The following PEAR1 variants were observed in gnomAD, a reference collection of about 807,000 sequenced individuals.
PEAR1 encodes the protein multiple EGF-like domains protein 12.
PEAR1 carries 113 observed loss-of-function variants against 131.2 expected under a neutral mutation model. The ratio of observed to expected loss-of-function variants is 0.86; its 90% CI spans 0.74 to 1.01. The LOEUF (loss-of-function observed/expected upper bound fraction) is 1.01. Ranked by LOEUF, PEAR1 falls within the 50% of genes least tolerant of loss-of-function variation. The probability of loss-of-function intolerance (pLI) is 0.00; values close to 1 mark genes in which losing one functional copy is unlikely to be tolerated. For missense variants in PEAR1, 1,408 were observed against 1,391.1 expected (o/e 1.01, Z -0.19); for synonymous variants, 565 against 523.3 (o/e 1.08, Z -1.09).
Position 156,910,199 on chromosome 1 carries a change from C to T in PEAR1, c.1679-35C>T, listed in dbSNP as rs368018881. The T allele has an allele frequency of 9.3e-6, 15 of 1,610,694 alleles. No homozygotes were observed. The South Asian group carries it at 1.5e-4, about 17-fold the overall frequency. ...AAGAGCCCCCTGGAACTGAAGGGGG[C>T]CCAGCCAGGCACACCCGACTGCTGT... On this transcript the variant is annotated intron_variant, in intron 13 of 22. Coordinates refer to ENST00000292357, the MANE Select transcript of PEAR1 (RefSeq NM_001080471.3).
chr1:156,913,687 C>A lies in PEAR1; in HGVS notation c.2645-5C>A. ...GCTGATTACCAGTTGCCTCCTCCTC[C>A]TCAGGGAGCAGCCGCCTGGACCGAA... is the stretch of plus-strand genomic sequence containing the variant. On this transcript the variant is annotated splice_polypyrimidine_tract_variant and splice_region_variant and intron_variant, in intron 20 of 22. Coordinates refer to ENST00000292357, the MANE Select transcript of PEAR1 (RefSeq NM_001080471.3). The A allele has an allele frequency of 1.2e-6, 2 of 1,613,524 alleles. No homozygotes were observed. The highest frequency in any genetic ancestry group is 1.7e-6 in the Non-Finnish European group (2 of 1,179,810).
At chr1:156,911,786 C>T (rs929654061) in intron 15 of PEAR1, among the ~76,000 whole-genome samples, 1 of 152,094 alleles carries the variant, frequency 6.6e-6, no homozygotes, top group African/African-American at 2.4e-5. Context: ...TTCAGCTTAC[C>T]AGCAGGCGGG....
Position 156,907,957 on chromosome 1 carries a change from C to T in PEAR1, c.808C>T (p.Pro270Ser), listed in dbSNP as rs979252685. 1.3e-6 allele frequency: 2 copies of T among 1,583,662 alleles called. No individual in the cohort carries two copies. Among genetic ancestry groups the T allele is most frequent in the African/African-American group, 2.7e-5 (2 of 74,200 alleles). Residue 270 changes from proline to serine, a missense_variant, in exon 8 of 23, where the codon CCC becomes TCC. By Grantham distance (74) the Pro-to-Ser change is moderately conservative (BLOSUM62 -1). Coordinates refer to ENST00000292357, the MANE Select transcript of PEAR1 (RefSeq NM_001080471.3). ...GCCCTGCCCAGAGGGCTTTCACGGA[C>T]CCAACTGCTCCCAGGAATGTCGCTG... Reference protein sequence around the residue: ...SLPCPEGFHGPNCSQECRCHN... With the variant: ...SLPCPEGFHGSNCSQECRCHN...
In PEAR1 at chr1:156,902,928, C is replaced by T. The variant is rs915292540; in HGVS notation, c.-9-990C>T. ...GGCTGACAGGGCAGTCTGAGGGAGGCGGGAGCTTTTCCTTAAATGCAAGGC... is the reference window on the plus strand; with the variant it reads ...GGCTGACAGGGCAGTCTGAGGGAGGTGGGAGCTTTTCCTTAAATGCAAGGC... On this transcript the variant is annotated intron_variant, in intron 1 of 22. Transcript: ENST00000292357. This position sits in a 1 kb window ranked among gnomAD's most constrained non-coding sequence, Gnocchi z 4.3. Among the ~76,000 whole-genome samples, 9 of 151,960 alleles carry T rather than the reference C, an allele frequency of 5.9e-5. No individual in the cohort carries two copies. Among genetic ancestry groups the T allele is most frequent in the African/African-American group, 1.7e-4 (7 of 41,356 alleles).
chr1:156,903,972 C>T lies in PEAR1; in HGVS notation c.46C>T (p.Arg16Trp), dbSNP rs141257783. The change falls in exon 2 of 23, where the codon CGG becomes TGG. Residue 16 changes from arginine (R) to tryptophan (W), a missense_variant. By Grantham distance (101) the Arg-to-Trp change is moderately radical (BLOSUM62 -3). Coordinates refer to ENST00000292357, the MANE Select transcript of PEAR1 (RefSeq NM_001080471.3). ...CPLLLLAVGLRLAGTLNPSDP... is the reference protein window; with the variant it reads ...CPLLLLAVGLWLAGTLNPSDP... ...CCTCCTTCTCCTGGCTGTGGGCCTG[C>T]GGCTGGCTGGAACTCTCAACCCCAG... is the stretch of plus-strand genomic sequence containing the variant. 5.7e-5 allele frequency: 92 copies of T among 1,613,910 alleles called. No homozygotes were observed. Among genetic ancestry groups the T allele is most frequent in the Non-Finnish European group, 7.3e-5 (86 of 1,179,984 alleles).
chr1:156,896,049 T>C (rs568121718), intron 1 of PEAR1, among the ~76,000 whole-genome samples: 1 of 152,232 alleles, frequency 6.6e-6, no homozygotes, highest in South Asian at 2.1e-4. Context: ...GCCACTGCAT[T>C]CCAGCCTGGG....
In PEAR1 at chr1:156,912,812, C is replaced by G; in HGVS notation, c.2252C>G (p.Ala751Gly). Residue 751 changes from alanine (A) to glycine (G), a missense_variant, in exon 18 of 23, where the codon GCG (alanine) becomes GGG (glycine). Transcript: ENST00000292357. ...PFTVMPTTPV[A>G]YNSLGAVIGI... ...ACTGTGATGCCGACCACTCCAGTAG[C>G]GTATAACTCGCTGGGTGCAGTGATT... 1.2e-6 allele frequency: 2 copies of G among 1,614,214 alleles called. No individual in the cohort carries two copies. The highest frequency in any genetic ancestry group is 1.1e-5 in the South Asian group (1 of 91,086).
At chr1:156,910,814 T>C in intron 15 of PEAR1, 71 bp downstream of exon 15, 13 of 1,585,456 alleles carry the variant, frequency 8.2e-6, no homozygotes, top group Non-Finnish European at 1.1e-5. Flanking sequence ...GAGGTCTCTG[T>C]CCCCCAGCTC....
chr1:156,908,194 G>GGACGCCCGTTGCTT lies in PEAR1; in HGVS notation c.970_983dup (p.Phe328LeufsTer54). The GGACGCCCGTTGCTT allele has an allele frequency of 6.2e-7, 1 of 1,603,074 alleles. No individual in the cohort carries two copies. Among genetic ancestry groups the GGACGCCCGTTGCTT allele is most frequent in the Non-Finnish European group, 8.5e-7 (1 of 1,178,930 alleles). On this transcript the variant is annotated frameshift_variant, in exon 9 of 23. Coordinates refer to ENST00000292357, the MANE Select transcript of PEAR1 (RefSeq NM_001080471.3). LOFTEE classifies it high-confidence loss of function. The surrounding 1 kb of genome is among the most constrained non-coding windows in gnomAD (Gnocchi z 4.2). ...GTGCTGAGACGTGCGACTGCGCCCC[G>GGACGCCCGTTGCTT]GACGCCCGTTGCTTCCCGGCCAACG...
chr1:156,895,500 A>C (rs1011940154), intron 1 of PEAR1, among the ~76,000 whole-genome samples: 1 of 152,318 alleles, frequency 6.6e-6, no homozygotes, highest in Non-Finnish European at 1.5e-5. Context: ...GGCTTCTGTC[A>C]TCTAACCTAC....
At chr1:156,895,649 A>G (rs1192390504) in intron 1 of PEAR1, among the ~76,000 whole-genome samples, 1 of 152,244 alleles carries the variant, frequency 6.6e-6, no homozygotes, top group African/African-American at 2.4e-5. Flanking sequence ...GACTCATTAC[A>G]ACAAAATGCC....
Position 156,911,037 on chromosome 1 carries a change from TTTTCTTTCTTTCTTTC to T in PEAR1, c.1951+335_1951+350del, listed in dbSNP as rs71681254. 1.4e-3 allele frequency among the ~76,000 whole-genome samples: 154 copies of T among 113,322 alleles called. 3 individuals are homozygous for T. The Middle Eastern group carries it at 0.02, about 14-fold the overall frequency. The allele number at this position is 113,322 out of a possible 152,430, so 74.3% of individuals were successfully genotyped here. A position where few individuals can be genotyped will look rare whatever the true frequency, so the allele number is the denominator to read the frequency against. ...CTTGGGACATTTTCTCTTGATTTCT[TTTTCTTTCTTTCTTTC>T]TTTCTTTCTTTCTTTCTTTCTTTCT... On this transcript the variant is annotated intron_variant, in intron 15 of 22. Transcript: ENST00000292357.
At position 156,902,223 on chromosome 1, in the gene PEAR1, T is replaced by G. The variant is rs1206439366; in HGVS notation, c.-9-1695T>G. 2 of 152,506 alleles carry G rather than the reference T, an allele frequency of 1.3e-5. No homozygotes were observed. Among genetic ancestry groups the G allele is most frequent in the Non-Finnish European group, 2.9e-5 (2 of 68,166 alleles). The allele number at this position is 152,506 out of a possible 1,614,324, so 9.4% of individuals were successfully genotyped here. ...CTGAACGCTGGGATCCCCCAGGACA[T>G]TCCCTGGCCCCCAGGCCCCAGGTCC... On this transcript the variant is annotated intron_variant, in intron 1 of 22. Transcript: ENST00000292357. This position sits in a 1 kb window ranked among gnomAD's most constrained non-coding sequence, Gnocchi z 4.3.
intron 5 of PEAR1, 118 bp downstream of exon 5, chr1:156,906,486 G>A: frequency 6.5e-7 from 1 of 1,529,574 alleles, no homozygotes; most frequent in Non-Finnish European, 8.9e-7. Flanking sequence ...TTACCCGCCA[G>A]AGCCCCATTG....
rs546498768 is a variant in PEAR1 at position 156,905,515 on chromosome 1, G to C, written c.307+91G>C. On this transcript the variant is annotated intron_variant, in intron 4 of 22. Transcript: ENST00000292357. Reference sequence around the variant, plus strand: ...TCTGAGTCCCTCCCGGCCCCCGCTAGAATGGGGTTACTCCTCTGCCCTTTT... The same window carrying C: ...TCTGAGTCCCTCCCGGCCCCCGCTACAATGGGGTTACTCCTCTGCCCTTTT... The C allele has an allele frequency of 2.6e-6, 3 of 1,174,558 alleles. No individual in the cohort carries two copies. The East Asian group carries it at 7.7e-5, about 30-fold the overall frequency. The allele number at this position is 1,174,558 out of a possible 1,614,324, so 72.8% of individuals were successfully genotyped here. A position where few individuals can be genotyped will look rare whatever the true frequency, so the allele number is the denominator to read the frequency against.
intron 1 of PEAR1, among the ~76,000 whole-genome samples, chr1:156,897,838 A>G (rs1380918051): frequency 2.0e-5 from 3 of 152,110 alleles, no homozygotes; most frequent in African/African-American, 7.2e-5. Context: ...GTCCAGTGTG[A>G]TGGGAGCGCA....
chr1:156,896,189 T>C (rs1449790911), intron 1 of PEAR1, among the ~76,000 whole-genome samples: 1 of 152,208 alleles, frequency 6.6e-6, no homozygotes. Flanking sequence ...TCACTGAACT[T>C]TTCTGGGATA....
At chr1:156,911,053 C>CTTTCTTTCTTTCTTTT (rs1651033023) in intron 15 of PEAR1, among the ~76,000 whole-genome samples, 1 of 110,308 alleles carries the variant, frequency 9.1e-6, no homozygotes, top group African/African-American at 5.4e-5. Flanking sequence ...TTCTTTCTTT[C>CTTTCTTTCTTTCTTTT]TTTCTTTCTT....
chr1:156,894,577 C>T (rs961312599), intron 1 of PEAR1, among the ~76,000 whole-genome samples: 7 of 152,188 alleles, frequency 4.6e-5, no homozygotes, highest in Non-Finnish European at 7.3e-5. Flanking sequence ...ACTGGATCCT[C>T]AGAAAACTTG....
Sources: gnomAD v4.1 joint callset for allele counts (sites outside exome capture counted in the v4.1 genomes callset) on GRCh38, gnomAD v4.1.1 for gene constraint, Gnocchi (gnomAD v3.1) non-coding constraint, MANE v1.5 for transcripts, NCBI Gene and HGNC (gene_info 2026-07-23, HGNC 2026-07-21) for gene names.